The following TYR variants were observed in gnomAD, a reference collection of about 807,000 sequenced individuals.
TYR encodes the protein LB24-AB.
A neutral mutation model predicts 51.5 loss-of-function variants in TYR; 58 were observed. The observed-to-expected ratio is 1.13, with a 90% CI of 0.91 to 1.40. TYR has a LOEUF of 1.40. TYR is among the 40% of genes most tolerant of loss of function. TYR has a pLI of 0.00. For synonymous variants in TYR, 263 were observed against 235.2 expected, an observed-to-expected ratio of 1.12 and a Z score of -1.08; for missense variants, 732 against 647.4, an observed-to-expected ratio of 1.13 and a Z score of -1.42.
chr11:89,240,916 T>C (rs1201080792), intron 3 of TYR, among the ~76,000 whole-genome samples: 1 of 152,322 alleles, frequency 6.6e-6, no homozygotes, highest in East Asian at 1.9e-4. Flanking sequence ...CTCTAAGCTG[T>C]TCTCAGGTTT....
intron 3 of TYR, among the ~76,000 whole-genome samples, chr11:89,255,104 T>A (rs1441508053): frequency 6.6e-6 from 1 of 151,806 alleles, no homozygotes; most frequent in African/African-American, 2.4e-5. Context: ...ATTTAATTTG[T>A]ATGTATTTGC....
At chr11:89,282,486 A>T (rs886461502) in intron 3 of TYR, among the ~76,000 whole-genome samples, 1 of 151,866 alleles carries the variant, frequency 6.6e-6, no homozygotes, top group African/African-American at 2.4e-5. Context: ...TGCATATTTT[A>T]AAAACTAGAT....
At chr11:89,272,297 G>T (rs187676901) in intron 3 of TYR, among the ~76,000 whole-genome samples, 12 of 151,976 alleles carry the variant, frequency 7.9e-5, no homozygotes, top group African/African-American at 2.7e-4. Flanking sequence ...AATGGATGTT[G>T]TGTAGGCAGG....
chr11:89,208,764 T>C (rs1220408491), intron 2 of TYR, among the ~76,000 whole-genome samples: 1 of 152,256 alleles, frequency 6.6e-6, no homozygotes, highest in Admixed American at 6.5e-5. Context: ...ATGATCTTTG[T>C]AATCATTCTT....
chr11:89,196,999 A>C (rs1943528220), intron 2 of TYR, among the ~76,000 whole-genome samples: 1 of 152,202 alleles, frequency 6.6e-6, no homozygotes, highest in Admixed American at 6.5e-5. Flanking sequence ...ATAAAATGGT[A>C]ATTGATATAA....
chr11:89,265,385 GC>G (rs1474623397), intron 3 of TYR, among the ~76,000 whole-genome samples: 1 of 152,032 alleles, frequency 6.6e-6, no homozygotes, highest in African/African-American at 2.4e-5. Context: ...GAATTCCTCT[GC>G]CTTCGCCACT....
chr11:89,285,302 C>T (rs957993333), intron 4 of TYR, among the ~76,000 whole-genome samples: 2 of 151,664 alleles, frequency 1.3e-5, no homozygotes, highest in African/African-American at 4.8e-5. Context: ...AGTTTATTCA[C>T]CTGAAATACT....
At chr11:89,191,662 T>C (rs1943448205) in intron 2 of TYR, among the ~76,000 whole-genome samples, 1 of 152,044 alleles carries the variant, frequency 6.6e-6, no homozygotes. Flanking sequence ...TGGGAGGCTG[T>C]GACAGGTGGA....
At chr11:89,198,227 C>CA (rs142581241) in intron 2 of TYR, among the ~76,000 whole-genome samples, 9,545 of 149,282 alleles carry the variant, frequency 0.064, 1,017 homozygotes, top group African/African-American at 0.22. Context: ...ACAACAACAA[C>CA]AAAAAAAAAG....
chr11:89,249,115 C>A (rs754465104), intron 3 of TYR, among the ~76,000 whole-genome samples: 1 of 151,730 alleles, frequency 6.6e-6, no homozygotes, highest in African/African-American at 2.4e-5. Flanking sequence ...AATAGATACC[C>A]GAAAGAGGCT....
At chr11:89,214,091 C>A (rs1171836516) in intron 2 of TYR, among the ~76,000 whole-genome samples, 1 of 152,096 alleles carries the variant, frequency 6.6e-6, no homozygotes, top group African/African-American at 2.4e-5. Context: ...CAAATGAGAT[C>A]CAATTAAACT....
At chr11:89,200,416 G>A (rs2135260857) in intron 2 of TYR, 1 of 152,200 alleles carries the variant, frequency 6.6e-6, no homozygotes, top group African/African-American at 2.4e-5. Context: ...AATGTCTGAT[G>A]CATACATAGG....
chr11:89,184,289 G>A (rs575242558), intron 1 of TYR, among the ~76,000 whole-genome samples: 1 of 152,084 alleles, frequency 6.6e-6, no homozygotes, highest in African/African-American at 2.4e-5. Flanking sequence ...TTGGCTGTAG[G>A]AGTCTTTAAG....
chr11:89,250,626 G>A (rs572635727), intron 3 of TYR, among the ~76,000 whole-genome samples: 1 of 151,774 alleles, frequency 6.6e-6, no homozygotes, highest in African/African-American at 2.4e-5. Flanking sequence ...TTCTTCTAAG[G>A]CCTCTCTCTT....
At chr11:89,203,893 C>G (rs1401495496) in intron 2 of TYR, among the ~76,000 whole-genome samples, 1 of 152,196 alleles carries the variant, frequency 6.6e-6, no homozygotes, top group African/African-American at 2.4e-5. Flanking sequence ...AAAACTGAGG[C>G]ACAATCCCCA....
At chr11:89,245,558 A>G (rs1394189837) in intron 3 of TYR, among the ~76,000 whole-genome samples, 1 of 152,228 alleles carries the variant, frequency 6.6e-6, no homozygotes, top group Non-Finnish European at 1.5e-5. Flanking sequence ...CATTCCAAGC[A>G]AAGCAAGTTG....
chr11:89,261,474 A>T (rs1944455821), intron 3 of TYR, among the ~76,000 whole-genome samples: 1 of 152,170 alleles, frequency 6.6e-6, no homozygotes. Flanking sequence ...AAAAGAAGAC[A>T]TAATATAACA....
At chr11:89,282,870 C>A (rs1031555982) in intron 3 of TYR, among the ~76,000 whole-genome samples, 1 of 151,700 alleles carries the variant, frequency 6.6e-6, no homozygotes, top group African/African-American at 2.4e-5. Context: ...CCAGTATAGT[C>A]ATAATACTTA....
At chr11:89,253,196 A>G (rs1944350012) in intron 3 of TYR, among the ~76,000 whole-genome samples, 1 of 151,774 alleles carries the variant, frequency 6.6e-6, no homozygotes, top group East Asian at 1.9e-4. Context: ...GTCAGTACCT[A>G]TTGCAAAAGT....
Sources: allele counts gnomAD v4.1 joint callset (sites outside exome capture counted in the v4.1 genomes callset), GRCh38; gene constraint gnomAD v4.1.1; transcripts MANE v1.5; gene names NCBI Gene and HGNC (gene_info 2026-07-23, HGNC 2026-07-21).